PGM5: variants seen among roughly 807,000 people sequenced by gnomAD.
The protein encoded by PGM5 is phosphoglucomutase-like protein 5.
In PGM5, 23 loss-of-function variants were observed where a neutral mutation model predicts 59.2. That is an observed-to-expected ratio of 0.39 (90% CI 0.28 to 0.55). The LOEUF (loss-of-function observed/expected upper bound fraction) is 0.55, where lower values mean the gene tolerates loss of function less well. Among genes scored for constraint, PGM5 ranks in the 20% least tolerant of loss-of-function variants. The probability of loss-of-function intolerance (pLI) is 0.66; values close to 1 mark genes in which losing one functional copy is unlikely to be tolerated. For missense variants in PGM5, 574 were observed against 748.3 expected (o/e 0.77, Z 2.72); for synonymous variants, 214 against 286.0 (o/e 0.75, Z 2.54).
chr9:68,434,340 GAAAAAGAA>G (rs1223144776), intron 6 of PGM5, among the ~76,000 whole-genome samples: 10 of 122,932 alleles, frequency 8.1e-5, no homozygotes, highest in South Asian at 2.5e-4. Flanking sequence ...AAAAAAAAAA[GAAAAAGAA>G]AAAAAGAAAA....
At chr9:68,359,701 A>G (rs1301211530) in intron 1 of PGM5, among the ~76,000 whole-genome samples, 2 of 152,254 alleles carry the variant, frequency 1.3e-5, no homozygotes, top group Non-Finnish European at 2.9e-5. Context: ...TTGGATACTC[A>G]TAAGCAGGCT....
intron 1 of PGM5, among the ~76,000 whole-genome samples, chr9:68,373,311 T>C (rs1380241891): frequency 2.6e-5 from 4 of 151,768 alleles, no homozygotes; most frequent in Non-Finnish European, 5.9e-5. Flanking sequence ...CTGGTATTGA[T>C]GGGTTAATGA....
At position 68,489,484 on chromosome 9, in the gene PGM5, T is replaced by TC. The variant is rs1490447010; in HGVS notation, c.1479+5436_1479+5437insC. 9.3e-5 allele frequency among the ~76,000 whole-genome samples: 14 copies of TC among 150,916 alleles called. No homozygotes were observed. The South Asian group carries it at 1.5e-3, about 16-fold the overall frequency. ...TTTTTCTTTTCTTTTTTTTTTTTTT[T>TC]AGACAGAGTCTGGCTCTGTCGCCCA... is the stretch of plus-strand genomic sequence containing the variant. On this transcript the variant is annotated intron_variant, in intron 9 of 10. Coordinates refer to ENST00000396396, the MANE Select transcript of PGM5 (RefSeq NM_021965.4).
chr9:68,509,441 A>T (rs2132111918), intron 10 of PGM5, among the ~76,000 whole-genome samples: 1 of 152,340 alleles, frequency 6.6e-6, no homozygotes, highest in Middle Eastern at 3.4e-3. Flanking sequence ...TACCATCATG[A>T]TATGAGATGG....
Position 68,529,750 on chromosome 9 carries a change from C to A in PGM5, c.*94C>A. The A allele has an allele frequency of 2.0e-5, 10 of 493,170 alleles. No individual in the cohort carries two copies. The highest frequency in any genetic ancestry group is 1.3e-4 in the East Asian group (2 of 15,050). The allele number at this position is 493,170 out of a possible 1,614,324, so 30.5% of individuals were successfully genotyped here. ...TGCTACCTGTTTGTGCCTCTTATGACTTTGGAAAAACAAAAGATATTTTGC... is the reference window on the plus strand; with the variant it reads ...TGCTACCTGTTTGTGCCTCTTATGAATTTGGAAAAACAAAAGATATTTTGC... On this transcript the variant is annotated 3_prime_UTR_variant, in exon 11 of 11. Coordinates refer to ENST00000396396, the MANE Select transcript of PGM5 (RefSeq NM_021965.4).
intron 6 of PGM5, among the ~76,000 whole-genome samples, chr9:68,444,966 C>G (rs182921452): frequency 6.6e-6 from 1 of 152,276 alleles, no homozygotes; most frequent in Admixed American, 6.5e-5. Flanking sequence ...CAGGGCAAGT[C>G]AGTTACTCTG....
intron 6 of PGM5, among the ~76,000 whole-genome samples, chr9:68,440,516 G>A (rs1452755502): frequency 3.9e-5 from 6 of 152,136 alleles, no homozygotes; most frequent in African/African-American, 1.4e-4. Context: ...GGTTATTGTA[G>A]ATGTCCTTTA....
intron 6 of PGM5, among the ~76,000 whole-genome samples, chr9:68,413,605 C>G (rs1328084165): frequency 2.6e-5 from 4 of 152,202 alleles, no homozygotes; most frequent in African/African-American, 9.7e-5. Flanking sequence ...AAATATGCCT[C>G]TGGAGAACTC....
At chr9:68,493,083 C>G (rs530657833) in intron 9 of PGM5, among the ~76,000 whole-genome samples, 71 of 152,204 alleles carry the variant, frequency 4.7e-4, no homozygotes, top group African/African-American at 1.7e-3. Context: ...ATGCTGTTTT[C>G]CCCTGGAATT....
At chr9:68,511,947 C>T (rs1336562633) in intron 10 of PGM5, among the ~76,000 whole-genome samples, 1 of 152,192 alleles carries the variant, frequency 6.6e-6, no homozygotes, top group Non-Finnish European at 1.5e-5. Context: ...TAGGTCTTCT[C>T]TGAGAGCTCC....
chr9:68,510,867 G>A (rs934456573), intron 10 of PGM5, among the ~76,000 whole-genome samples: 24 of 152,224 alleles, frequency 1.6e-4, no homozygotes, highest in Non-Finnish European at 2.1e-4. Context: ...GAGGCTTCCA[G>A]GTCATAGGTG....
chr9:68,398,434 G>A (rs1822571121), intron 6 of PGM5: 2 of 152,118 alleles, frequency 1.3e-5, no homozygotes, highest in South Asian at 4.1e-4. Flanking sequence ...AGAAGGAATG[G>A]GGAGGTACCT....
rs78444000 is a variant in PGM5 at position 68,531,019 on chromosome 9, CA to C, written c.*1364del. Reference sequence around the variant, plus strand: ...TGCTTCTGTCAGAAACTTGCTAGGACATTTAGTGGCCAATAAAAAAGAAATT... The same window carrying C: ...TGCTTCTGTCAGAAACTTGCTAGGACTTTAGTGGCCAATAAAAAAGAAATT... On this transcript the variant is annotated 3_prime_UTR_variant, in exon 11 of 11. Coordinates refer to ENST00000396396, the MANE Select transcript of PGM5 (RefSeq NM_021965.4). 110,478 of 152,132 alleles carry C rather than the reference CA, an allele frequency of 0.73. 42,846 individuals carry two copies. The highest frequency in any genetic ancestry group is 0.86 in the Non-Finnish European group (58,285 of 68,014). The allele number at this position is 152,132 out of a possible 1,614,324, so 9.4% of individuals were successfully genotyped here. A position where few individuals can be genotyped will look rare whatever the true frequency, so the allele number is the denominator to read the frequency against.
In PGM5 at chr9:68,421,179, G is replaced by A. The variant is rs147557726; in HGVS notation, c.1043+28706G>A. Reference sequence around the variant, plus strand: ...CATTTTCACATTTGCACTCTGCCCCGTTCACTGATCTTCCCCTAATCGGCC... The same window carrying A: ...CATTTTCACATTTGCACTCTGCCCCATTCACTGATCTTCCCCTAATCGGCC... On this transcript the variant is annotated intron_variant, in intron 6 of 10. Coordinates refer to ENST00000396396, the MANE Select transcript of PGM5 (RefSeq NM_021965.4). Among the ~76,000 whole-genome samples, 1,249 of 152,286 alleles carry A rather than the reference G, an allele frequency of 8.2e-3. 10 individuals carry two copies. Among genetic ancestry groups the A allele is most frequent in the Non-Finnish European group, 9.6e-3 (652 of 68,016 alleles).
intron 6 of PGM5, among the ~76,000 whole-genome samples, chr9:68,453,974 G>T (rs1823735148): frequency 6.6e-6 from 1 of 152,090 alleles, no homozygotes; most frequent in Admixed American, 6.5e-5. Context: ...AGAGTGTACT[G>T]GTGTCTTTCA....
At position 68,437,242 on chromosome 9, in the gene PGM5, CT is replaced by C. The variant is rs1205326054; in HGVS notation, c.1044-27850del. On this transcript the variant is annotated intron_variant, in intron 6 of 10. Coordinates refer to ENST00000396396, the MANE Select transcript of PGM5 (RefSeq NM_021965.4). The surrounding 1 kb of genome is among the most constrained non-coding windows in gnomAD (Gnocchi z 4.1). ...ATTAATGATCATTTTTGAGATTTTT[CT>C]CTCTTTTATTAATTTTCTCCTCTTG... 6.6e-6 allele frequency among the ~76,000 whole-genome samples: 1 copy of C among 152,090 alleles called. No homozygotes were observed. Among genetic ancestry groups the C allele is most frequent in the Admixed American group, 6.5e-5 (1 of 15,270 alleles).
At chr9:68,433,076 T>C (rs1198023225) in intron 6 of PGM5, among the ~76,000 whole-genome samples, 1 of 152,224 alleles carries the variant, frequency 6.6e-6, no homozygotes, top group African/African-American at 2.4e-5. Flanking sequence ...ACACCTGCCT[T>C]AGTGTTTCTA....
intron 9 of PGM5, chr9:68,497,343 A>T (rs1554688234): frequency 6.6e-6 from 1 of 152,250 alleles, no homozygotes; most frequent in Non-Finnish European, 1.5e-5. Flanking sequence ...CCCAGTGAAT[A>T]AATCCTGGAT....
intron 1 of PGM5, among the ~76,000 whole-genome samples, chr9:68,358,588 C>T (rs1230507940): frequency 3.3e-5 from 5 of 152,158 alleles, no homozygotes; most frequent in Non-Finnish European, 4.4e-5. Flanking sequence ...TCTTTAAAAG[C>T]GAAACTGAAC....
Sources: allele counts gnomAD v4.1 joint callset (sites outside exome capture counted in the v4.1 genomes callset), GRCh38; gene constraint gnomAD v4.1.1; non-coding constraint Gnocchi (gnomAD v3.1); transcripts MANE v1.5; gene names NCBI Gene and HGNC (gene_info 2026-07-23, HGNC 2026-07-21).